ZNF90: variants seen among roughly 807,000 people sequenced by gnomAD.
ZNF90 encodes the protein zinc finger protein 90.
Under a neutral mutation model 12.0 loss-of-function variants are expected in ZNF90, and 11 were observed. The ratio of observed to expected loss-of-function variants is 0.92; its 90% confidence interval spans 0.58 to 1.52. The LOEUF is 1.52. Ranked by LOEUF, ZNF90 falls within the 40% of genes most tolerant of loss-of-function variation. The probability of loss-of-function intolerance (pLI) is 0.00; values close to 1 mark genes in which losing one functional copy is unlikely to be tolerated. For missense variants in ZNF90, 765 were observed against 711.5 expected (o/e 1.08, Z -0.86); for synonymous variants, 232 against 240.1 (o/e 0.97, Z 0.31).
At chr19:20,084,268 G>T (rs1555701834) in intron 1 of ZNF90, among the ~76,000 whole-genome samples, 1 of 151,906 alleles carries the variant, frequency 6.6e-6, no homozygotes, top group African/African-American at 2.4e-5. Context: ...TATTGGTCAG[G>T]CTGGTCTCGA....
At chr19:20,117,201 C>T (rs149836714) in intron 3 of ZNF90, among the ~76,000 whole-genome samples, 2 of 151,974 alleles carry the variant, frequency 1.3e-5, no homozygotes, top group Non-Finnish European at 2.9e-5. Flanking sequence ...TGTTACCATG[C>T]CTGGCTAATA....
At chr19:20,100,688 G>T (rs2088982416) in intron 1 of ZNF90, among the ~76,000 whole-genome samples, 1 of 152,186 alleles carries the variant, frequency 6.6e-6, no homozygotes, top group South Asian at 2.1e-4. Flanking sequence ...CCTCTTGAGA[G>T]GGGGATGACT....
chr19:20,104,214 G>T, intron 1 of ZNF90, 25 bp from the exon 2 acceptor site: 1 of 1,611,946 alleles, frequency 6.2e-7, no homozygotes. Context: ...GTAAAAATGT[G>T]TGTGTGTATA....
At chr19:20,084,819 C>G (rs1555701889) in intron 1 of ZNF90, among the ~76,000 whole-genome samples, 1 of 152,098 alleles carries the variant, frequency 6.6e-6, no homozygotes, top group Non-Finnish European at 1.5e-5. Context: ...TATATTTTGC[C>G]TAATTTTTAA....
At chr19:20,108,806 A>T (rs1002954587) in intron 3 of ZNF90, among the ~76,000 whole-genome samples, 5 of 147,896 alleles carry the variant, frequency 3.4e-5, no homozygotes, top group Non-Finnish European at 5.9e-5. Flanking sequence ...ATCTCAGCAC[A>T]ATCTCTGCCT....
At chr19:20,094,287 G>A (rs527466029) in intron 1 of ZNF90, among the ~76,000 whole-genome samples, 18 of 152,172 alleles carry the variant, frequency 1.2e-4, no homozygotes, top group Non-Finnish European at 2.6e-4. Context: ...TCCTGTTGTG[G>A]GGTTTGAGGG....
At chr19:20,078,216 C>A (rs1014683653) in intron 1 of ZNF90, 81 bp downstream of exon 1, 1 of 1,571,788 alleles carries the variant, frequency 6.4e-7, no homozygotes. Context: ...GGGACTTAGG[C>A]CTCCCCGCAG....
intron 1 of ZNF90, among the ~76,000 whole-genome samples, chr19:20,091,271 G>A (rs969531301): frequency 6.6e-6 from 1 of 152,102 alleles, no homozygotes; most frequent in African/African-American, 2.4e-5. Flanking sequence ...CAATCCCTGA[G>A]GGGTAGTAGA....
chr19:20,099,969 G>C (rs886196590), intron 1 of ZNF90, among the ~76,000 whole-genome samples: 1 of 152,138 alleles, frequency 6.6e-6, no homozygotes, highest in Admixed American at 6.5e-5. Flanking sequence ...TATACTGCTG[G>C]GGTCATCAGA....
intron 1 of ZNF90, among the ~76,000 whole-genome samples, chr19:20,100,553 G>A (rs1318503794): frequency 3.9e-5 from 6 of 152,282 alleles, no homozygotes; most frequent in Admixed American, 2.6e-4. Context: ...ATGCTCCAAT[G>A]TTGATGACAT....
intron 3 of ZNF90, among the ~76,000 whole-genome samples, chr19:20,105,629 C>G (rs1599649409): frequency 6.6e-6 from 1 of 152,248 alleles, no homozygotes; most frequent in African/African-American, 2.4e-5. Flanking sequence ...CTTGGGGACA[C>G]AGAAATATCT....
At chr19:20,100,389 G>T (rs568769717) in intron 1 of ZNF90, among the ~76,000 whole-genome samples, 5 of 152,276 alleles carry the variant, frequency 3.3e-5, no homozygotes, top group Admixed American at 6.5e-5. Context: ...TGCACTGCAG[G>T]CCATACATTT....
chr19:20,085,416 C>T (rs1238729538), intron 1 of ZNF90, among the ~76,000 whole-genome samples: 2 of 151,962 alleles, frequency 1.3e-5, no homozygotes, highest in Non-Finnish European at 2.9e-5. Flanking sequence ...CCTGCCACCG[C>T]GCCCGGCTAA....
rs782066114 is a variant in ZNF90, at chr19:20,104,372, A to G, written c.130+7A>G. 2 of 1,609,934 alleles carry G rather than the reference A, an allele frequency of 1.2e-6. No individual in the cohort carries two copies. The highest frequency in any genetic ancestry group is 3.4e-5 in the Admixed American group (2 of 59,048). ...AGACACCTGGTCTTCCTTGGTGAGG[A>G]TAAGTGGAATACATAATTCATAATA... is the stretch of plus-strand genomic sequence containing the variant. On this transcript the variant is annotated splice_region_variant and intron_variant, in intron 2 of 3. Coordinates refer to ENST00000418063, the MANE Select transcript of ZNF90 (RefSeq NM_007138.2).
At chr19:20,085,545 C>T (rs2088853152) in intron 1 of ZNF90, among the ~76,000 whole-genome samples, 1 of 152,144 alleles carries the variant, frequency 6.6e-6, no homozygotes, top group Non-Finnish European at 1.5e-5. Flanking sequence ...CAGGCTTGAG[C>T]CACCGCGCCC....
At chr19:20,085,723 T>C (rs1159887189) in intron 1 of ZNF90, among the ~76,000 whole-genome samples, 1 of 152,238 alleles carries the variant, frequency 6.6e-6, no homozygotes, top group Non-Finnish European at 1.5e-5. Flanking sequence ...CTATTCCCTC[T>C]TTTTGTAAGG....
At chr19:20,090,551 C>A (rs2122486054) in intron 1 of ZNF90, among the ~76,000 whole-genome samples, 1 of 152,238 alleles carries the variant, frequency 6.6e-6, no homozygotes, top group African/African-American at 2.4e-5. Context: ...TAAGTAGGGT[C>A]CCGTCCATCG....
At position 20,120,445 on chromosome 19, in the gene ZNF90, C is replaced by G. The variant is rs556171637; in HGVS notation, c.*1085C>G. Reference sequence around the variant, plus strand: ...CTAGAGGAAAACCCTGAAGCAGTTGCTCCAGCTTTGTTCAACAACAGGGAA... The same window carrying G: ...CTAGAGGAAAACCCTGAAGCAGTTGGTCCAGCTTTGTTCAACAACAGGGAA... On this transcript the variant is annotated 3_prime_UTR_variant, in exon 4 of 4. Transcript: ENST00000418063. Among the ~76,000 whole-genome samples the G allele has an allele frequency of 3.9e-5, 6 of 152,240 alleles. No individual in the cohort carries two copies. In the East Asian group the frequency reaches 1.2e-3, roughly 29 times the overall value.
At chr19:20,078,181 G>A in intron 1 of ZNF90, 46 bp downstream of exon 1, 1 of 1,613,160 alleles carries the variant, frequency 6.2e-7, no homozygotes, top group Non-Finnish European at 8.5e-7. Flanking sequence ...GGGACTGGTT[G>A]GAACCGATGG....
Sources: gnomAD v4.1 joint callset for allele counts (sites outside exome capture counted in the v4.1 genomes callset) on GRCh38, gnomAD v4.1.1 for gene constraint, MANE v1.5 for transcripts, NCBI Gene and HGNC (gene_info 2026-07-23, HGNC 2026-07-21) for gene names.